Variants in ITPR3 observed in about 807,000 individuals in gnomAD.
ITPR3 encodes the protein inositol 1,4,5-trisphosphate-gated calcium channel ITPR3.
In ITPR3, 173 loss-of-function variants were observed where a neutral mutation model predicts 293.2. That is an observed-to-expected ratio of 0.59 (90% CI 0.52 to 0.67). The LOEUF (loss-of-function observed/expected upper bound fraction) is 0.67, where lower values mean the gene tolerates loss of function less well. ITPR3 is among the 30% of genes least tolerant of loss of function. The pLI, the probability that ITPR3 is intolerant of heterozygous loss-of-function variation, is 0.00. For synonymous variants in ITPR3, 1,295 were observed against 1,444.4 expected (o/e 0.90, Z 2.35); for missense variants, 2,796 against 3,592.1 (o/e 0.78, Z 5.66).
chr6:33,630,273 G>T (rs1033392581), intron 1 of ITPR3, among the ~76,000 whole-genome samples: 1 of 152,200 alleles, frequency 6.6e-6, no homozygotes, highest in African/African-American at 2.4e-5. Flanking sequence ...ATTTGTCAGG[G>T]CTGCCTTTGT....
chr6:33,688,497 C>T, intron 48 of ITPR3, 66 bp downstream of exon 48: 1 of 1,496,048 alleles, frequency 6.7e-7, no homozygotes. Context: ...GTTATAACGG[C>T]CTCCTTTGCC....
chr6:33,638,935 G>A lies in ITPR3; in HGVS notation c.90-1549G>A, dbSNP rs1453952596. On this transcript the variant is annotated intron_variant, in intron 1 of 57. Coordinates refer to ENST00000605930, the MANE Select transcript of ITPR3 (RefSeq NM_002224.4). This position sits in a 1 kb window ranked among gnomAD's most constrained non-coding sequence, Gnocchi z 4.3. ...CTAGGCCTGTGGCTTCATGGGGCCAGAGTGGAGTGAGTATTAAGGCACTGC... is the reference window on the plus strand; with the variant it reads ...CTAGGCCTGTGGCTTCATGGGGCCAAAGTGGAGTGAGTATTAAGGCACTGC... Among the ~76,000 whole-genome samples the A allele has an allele frequency of 6.6e-6, 1 of 152,242 alleles. No individual in the cohort carries two copies. The highest frequency in any genetic ancestry group is 1.5e-5 in the Non-Finnish European group (1 of 68,040).
chr6:33,687,790 G>T lies in ITPR3; in HGVS notation c.6264+226G>T, dbSNP rs952016623. On this transcript the variant is annotated intron_variant, in intron 46 of 57. Transcript: ENST00000605930. The surrounding 1 kb of genome is among the most constrained non-coding windows in gnomAD (Gnocchi z 5.3). ...TCTAGGGTGGGTCTGGAAGCTTCAA[G>T]CAGGACCCGGGCTACACTTGGGCAG... Among the ~76,000 whole-genome samples, 1 of 152,160 alleles carries T rather than the reference G, an allele frequency of 6.6e-6. No homozygotes were observed. The highest frequency in any genetic ancestry group is 1.5e-5 in the Non-Finnish European group (1 of 68,008).
At position 33,689,380 on chromosome 6, in the gene ITPR3, G is replaced by A. The variant is rs200529026; in HGVS notation, c.6837G>A (p.Gly2279=). Residue 2279 remains glycine (G), a synonymous_variant, in exon 50 of 58, where the codon GGG becomes GGA. Transcript: ENST00000605930. ...GCTCCATCTACTATCTGGGCATCGGGCCCACACTCAACATCCTGGGTGCCC... is the reference window on the plus strand; with the variant it reads ...GCTCCATCTACTATCTGGGCATCGGACCCACACTCAACATCCTGGGTGCCC... ...ILRSIYYLGI[G]PTLNILGALN... is the part of the protein sequence containing the mutation. The A allele has an allele frequency of 3.2e-4, 512 of 1,611,096 alleles. 5 individuals carry two copies. The South Asian group carries it at 3.9e-3, about 12-fold the overall frequency.
In ITPR3 at chr6:33,658,607, C is replaced by A; in HGVS notation, c.370-63C>A. 1.3e-6 allele frequency: 2 copies of A among 1,582,042 alleles called. No individual in the cohort carries two copies. Among genetic ancestry groups the A allele is most frequent in the Non-Finnish European group, 1.7e-6 (2 of 1,157,874 alleles). ...AAGGGTCTAGGGGATCCCCCCATAT[C>A]CCCTCCCTAATGGGCCGACTCCTGT... is the stretch of plus-strand genomic sequence containing the variant. On this transcript the variant is annotated intron_variant, in intron 4 of 57. Transcript: ENST00000605930. This position sits in a 1 kb window ranked among gnomAD's most constrained non-coding sequence, Gnocchi z 6.1.
chr6:33,678,359 A>G, intron 28 of ITPR3, 62 bp from the exon 29 acceptor site: 1 of 1,593,280 alleles, frequency 6.3e-7, no homozygotes, highest in South Asian at 1.1e-5. Context: ...GTCAGAGCTC[A>G]GCCAGGGCCT....
rs1287056153 is a variant in ITPR3, at chr6:33,685,251, GGCCCCTGCA to G, written c.5308-102_5308-94del. The G allele has an allele frequency of 5.3e-6, 6 of 1,136,084 alleles. No individual in the cohort carries two copies. The South Asian group carries it at 9.0e-5, about 17-fold the overall frequency. 70.4% of individuals were successfully genotyped at this position (1,136,084 alleles called of 1,614,324 possible). A position where few individuals can be genotyped will look rare whatever the true frequency, so the allele number is the denominator to read the frequency against. On this transcript the variant is annotated intron_variant, in intron 39 of 57. Transcript: ENST00000605930. Reference sequence around the variant, plus strand: ...CCACCAGCACCCAGGCCTGCAGCCAGGCCCCTGCAGCCCCAGCGGCCCCAGCAGTGTGGT... The same window carrying G: ...CCACCAGCACCCAGGCCTGCAGCCAGGCCCCAGCGGCCCCAGCAGTGTGGT...
At chr6:33,695,218 C>T in intron 57 of ITPR3, 133 bp downstream of exon 57, 1 of 938,724 alleles carries the variant, frequency 1.1e-6, no homozygotes, top group South Asian at 1.7e-5. Flanking sequence ...AGGCAGGTGC[C>T]AAACCCACTC....
At chr6:33,625,293 G>A (rs1384659390) in intron 1 of ITPR3, among the ~76,000 whole-genome samples, 1 of 151,922 alleles carries the variant, frequency 6.6e-6, no homozygotes, top group Non-Finnish European at 1.5e-5. Context: ...ACAATGGGGC[G>A]ATCTTAGTTC....
At chr6:33,677,401 C>T in intron 27 of ITPR3, 103 bp from the exon 28 acceptor site, 1 of 1,525,676 alleles carries the variant, frequency 6.6e-7, no homozygotes, top group Non-Finnish European at 8.9e-7. Context: ...CCTCCTTCCC[C>T]CTTCCTGTCC....
Position 33,693,561 on chromosome 6 carries a change from GT to G in ITPR3, c.7644del (p.Phe2548LeufsTer30). ...CACCCTCAGGTCTGGAGAGGGACAA[GT>G]TTGATAACAAGACAGTGTCATTTGA... ...CFICGLERDK[F>X]DNKTVSFEEH... On this transcript the variant is annotated frameshift_variant, in exon 56 of 58. Coordinates refer to ENST00000605930, the MANE Select transcript of ITPR3 (RefSeq NM_002224.4). LOFTEE classifies it high-confidence loss of function. The G allele has an allele frequency of 6.2e-7, 1 of 1,614,136 alleles. No homozygotes were observed. Among genetic ancestry groups the G allele is most frequent in the Non-Finnish European group, 8.5e-7 (1 of 1,179,996 alleles).
intron 6 of ITPR3, 73 bp from the exon 7 acceptor site, chr6:33,659,393 C>A: frequency 7.4e-7 from 1 of 1,351,764 alleles, no homozygotes; most frequent in South Asian, 1.2e-5. Context: ...GCTGCTTCTT[C>A]CCTTCAGCCC....
At chr6:33,650,723 C>T (rs1001477988) in intron 2 of ITPR3, among the ~76,000 whole-genome samples, 21 of 150,614 alleles carry the variant, frequency 1.4e-4, no homozygotes, top group African/African-American at 4.9e-4. Flanking sequence ...TCTAGAAGTT[C>T]TACTTGGTTC....
At chr6:33,689,997 T>C in intron 50 of ITPR3, 37 bp from the exon 51 acceptor site, 1 of 1,612,588 alleles carries the variant, frequency 6.2e-7, no homozygotes, top group East Asian at 2.2e-5. Flanking sequence ...GCATAGGTGG[T>C]AGGGTGCTGA....
In ITPR3 at chr6:33,686,075, A is replaced by T; in HGVS notation, c.5690A>T (p.Asn1897Ile). The T allele has an allele frequency of 6.2e-7, 1 of 1,614,152 alleles. No individual in the cohort carries two copies. The highest frequency in any genetic ancestry group is 1.1e-5 in the South Asian group (1 of 91,086). The change falls in exon 42 of 58, where the codon AAC (asparagine) becomes ATC (isoleucine). Residue 1897 changes from asparagine to isoleucine, a missense_variant. Transcript: ENST00000605930. Reference protein sequence around the residue: ...DLQNFLRCQNNKTNYNLVCET... With the variant: ...DLQNFLRCQNIKTNYNLVCET... ...CAGAACTTCCTGCGCTGTCAGAACAACAAAACCAACTACAACTTGGTATGC... is the reference window on the plus strand; with the variant it reads ...CAGAACTTCCTGCGCTGTCAGAACATCAAAACCAACTACAACTTGGTATGC...
Position 33,623,392 on chromosome 6 carries a change from TC to T in ITPR3, c.89+1702del, listed in dbSNP as rs1486260192. ...CTCAGGCTAGAATGCAGTGATGCAA[TC>T]TTGGCTTACTGCAGCCTCGACCTCT... On this transcript the variant is annotated intron_variant, in intron 1 of 57. Transcript: ENST00000605930. 2.8e-5 allele frequency among the ~76,000 whole-genome samples: 4 copies of T among 141,578 alleles called. No homozygotes were observed. The East Asian group carries it at 9.5e-4, about 34-fold the overall frequency. 92.9% of individuals were successfully genotyped at this position (141,578 alleles called of 152,430 possible).
intron 1 of ITPR3, among the ~76,000 whole-genome samples, chr6:33,630,172 C>G (rs1307266804): frequency 9.9e-5 from 15 of 152,174 alleles, no homozygotes. Flanking sequence ...TAATCTAAAA[C>G]AGCGCCCCGC....
rs1181392398 is a variant in ITPR3 at position 33,638,250 on chromosome 6, C to T, written c.90-2234C>T. 2.0e-5 allele frequency among the ~76,000 whole-genome samples: 3 copies of T among 151,682 alleles called. No homozygotes were observed. Among genetic ancestry groups the T allele is most frequent in the African/African-American group, 7.3e-5 (3 of 41,254 alleles). ...CGAACTCCTGACTTAATGATCCACC[C>T]GCCTCAGCCTCCCAAAGTGCAGGGA... On this transcript the variant is annotated intron_variant, in intron 1 of 57. Coordinates refer to ENST00000605930, the MANE Select transcript of ITPR3 (RefSeq NM_002224.4). The surrounding 1 kb of genome is among the most constrained non-coding windows in gnomAD (Gnocchi z 4.3).
At chr6:33,657,675 TG>T (rs1764342603) in intron 3 of ITPR3, among the ~76,000 whole-genome samples, 1 of 151,462 alleles carries the variant, frequency 6.6e-6, no homozygotes, top group Non-Finnish European at 1.5e-5. Flanking sequence ...GGGAGGTGGC[TG>T]GGGAGGGTTA....
Sources: allele counts gnomAD v4.1 joint callset (sites outside exome capture counted in the v4.1 genomes callset), GRCh38; gene constraint gnomAD v4.1.1; non-coding constraint Gnocchi (gnomAD v3.1); transcripts MANE v1.5; gene names NCBI Gene and HGNC (gene_info 2026-07-23, HGNC 2026-07-21).